The following MLLT1 variants were observed in gnomAD, a reference collection of about 807,000 sequenced individuals.
MLLT1 encodes the protein MLLT1 super elongation complex subunit.
Under a neutral mutation model 55.1 loss-of-function variants are expected in MLLT1, and 11 were observed. The observed-to-expected ratio is 0.20, with a 90% CI of 0.13 to 0.33. The LOEUF is 0.33. Among genes scored for constraint, MLLT1 ranks in the 10% least tolerant of loss-of-function variants. The probability of loss-of-function intolerance (pLI) is 1.00; values close to 1 mark genes in which losing one functional copy is unlikely to be tolerated. For synonymous variants in MLLT1, 323 were observed against 320.1 expected, an observed-to-expected ratio of 1.01 and a Z score of -0.10; for missense variants, 536 against 760.6, an observed-to-expected ratio of 0.70 and a Z score of 3.47.
At chr19:6,216,313 C>T (rs2090842729) in intron 8 of MLLT1, 92 bp downstream of exon 8, 2 of 972,748 alleles carry the variant, frequency 2.1e-6, no homozygotes, top group Admixed American at 4.1e-5. Context: ...CCTCCAGTCC[C>T]AACCCCACCT....
chr19:6,270,995 C>A lies in MLLT1; in HGVS notation c.13-236G>T, dbSNP rs2091391387. The stretch of plus-strand genomic sequence containing the variant: ...TGTCTCCTCTCATCCACCGCCTCAT[C>A]CTCAATTCCACCCGCACAGCCTCCT... On this transcript the variant is annotated intron_variant, in intron 1 of 11. Coordinates refer to ENST00000252674, the MANE Select transcript of MLLT1 (RefSeq NM_005934.4). This position sits in a 1 kb window ranked among gnomAD's most constrained non-coding sequence, Gnocchi z 7.1. Among the ~76,000 whole-genome samples the A allele has an allele frequency of 6.6e-6, 1 of 152,122 alleles. No individual in the cohort carries two copies. Among genetic ancestry groups the A allele is most frequent in the African/African-American group, 2.4e-5 (1 of 41,420 alleles).
chr19:6,222,500 G>A lies in MLLT1; in HGVS notation c.731C>T (p.Ala244Val), dbSNP rs185592757. 2.1e-5 allele frequency: 33 copies of A among 1,597,762 alleles called. No individual in the cohort carries two copies. In the East Asian group the frequency reaches 4.7e-4, roughly 23 times the overall value. ...CTTGAAGGCAGCCTTGGGCGGTGGC[G>A]CCTTCTCCTCCTTGGGCAGCCGGCC... ...GEGRLPKEEKAPPPKAAFKEP... is the reference protein window; with the variant it reads ...GEGRLPKEEKVPPPKAAFKEP... The change falls in exon 6 of 12, where the codon GCG becomes GTG. Residue 244 changes from alanine (A) to valine (V), a missense_variant. By Grantham distance (64) the Ala-to-Val change is moderately conservative. Around this residue, in one of 3 missense-constraint regions of MLLT1, gnomAD observed 449 missense variants for 489.0 expected, o/e 0.92. Transcript: ENST00000252674. The surrounding 1 kb of genome is among the most constrained non-coding windows in gnomAD (Gnocchi z 4.1).
rs1410501302 is a variant in MLLT1 at position 6,240,966 on chromosome 19, C to T, written c.277-10253G>A. Among the ~76,000 whole-genome samples, 1 of 152,174 alleles carries T rather than the reference C, an allele frequency of 6.6e-6. No homozygotes were observed. The highest frequency in any genetic ancestry group is 1.5e-5 in the Non-Finnish European group (1 of 68,042). Reference sequence around the variant, plus strand: ...CTGGAAGCCAAACTTAATGATTTCTCCTCAGTCTGACACCAGAAAAGGCAG... The same window carrying T: ...CTGGAAGCCAAACTTAATGATTTCTTCTCAGTCTGACACCAGAAAAGGCAG... On this transcript the variant is annotated intron_variant, in intron 3 of 11. Coordinates refer to ENST00000252674, the MANE Select transcript of MLLT1 (RefSeq NM_005934.4). The surrounding 1 kb of genome is among the most constrained non-coding windows in gnomAD (Gnocchi z 4.7).
rs376734462 is a variant in MLLT1 at position 6,256,476 on chromosome 19, G to A, written c.276+5752C>T. 1.1e-4 allele frequency among the ~76,000 whole-genome samples: 17 copies of A among 150,906 alleles called. No homozygotes were observed. In the East Asian group the frequency reaches 1.4e-3, roughly 12 times the overall value. ...TCTGACAAAAAAAGAAAAAAAAGGCGGGGCACGGTGGCTCACGCCTGTAAT... is the reference window on the plus strand; with the variant it reads ...TCTGACAAAAAAAGAAAAAAAAGGCAGGGCACGGTGGCTCACGCCTGTAAT... On this transcript the variant is annotated intron_variant, in intron 3 of 11. Coordinates refer to ENST00000252674, the MANE Select transcript of MLLT1 (RefSeq NM_005934.4). This position sits in a 1 kb window ranked among gnomAD's most constrained non-coding sequence, Gnocchi z 4.1.
In MLLT1 at chr19:6,262,313, A is replaced by G. The variant is rs777073335; in HGVS notation, c.194-3T>C. ...TTTGTAGGGGGGCTCCTTGCACACT[A>G]AAAAGAAAAGGAAGAAACACACCCA... On this transcript the variant is annotated splice_region_variant and splice_polypyrimidine_tract_variant and intron_variant, in intron 2 of 11. Transcript: ENST00000252674. The surrounding 1 kb of genome is among the most constrained non-coding windows in gnomAD (Gnocchi z 4.4). 23 of 1,612,796 alleles carry G rather than the reference A, an allele frequency of 1.4e-5. No homozygotes were observed. The African/African-American group carries it at 2.3e-4, about 16-fold the overall frequency.
At position 6,210,910 on chromosome 19, in the gene MLLT1, C is replaced by A. The variant is rs954682890; in HGVS notation, c.*2132G>T. Reference sequence around the variant, plus strand: ...TGGAGGACAACGTGAGGCCTTCCGGCCAGAGGAGGTAACTGAGAACTGGGT... The same window carrying A: ...TGGAGGACAACGTGAGGCCTTCCGGACAGAGGAGGTAACTGAGAACTGGGT... On this transcript the variant is annotated 3_prime_UTR_variant, in exon 12 of 12. Coordinates refer to ENST00000252674, the MANE Select transcript of MLLT1 (RefSeq NM_005934.4). This position sits in a 1 kb window ranked among gnomAD's most constrained non-coding sequence, Gnocchi z 4.6. 5 of 230,696 alleles carry A rather than the reference C, an allele frequency of 2.2e-5. No individual in the cohort carries two copies. The highest frequency in any genetic ancestry group is 4.3e-5 in the Non-Finnish European group (5 of 116,574). The allele number at this position is 230,696 out of a possible 1,614,324, so 14.3% of individuals were successfully genotyped here.
intron 3 of MLLT1, among the ~76,000 whole-genome samples, chr19:6,252,515 T>C (rs557698978): frequency 6.6e-6 from 1 of 152,188 alleles, no homozygotes; most frequent in Non-Finnish European, 1.5e-5. Flanking sequence ...ACTGGGAGAA[T>C]TAGAAGATAC....
chr19:6,230,209 C>T lies in MLLT1; in HGVS notation c.420+361G>A, dbSNP rs140269662. ...CCCGAAGTCAGAGGTGATGGCGATG[C>T]GCACGGCAGGGGCCCTGTGCGGAGG... On this transcript the variant is annotated intron_variant, in intron 4 of 11. Coordinates refer to ENST00000252674, the MANE Select transcript of MLLT1 (RefSeq NM_005934.4). The surrounding 1 kb of genome is among the most constrained non-coding windows in gnomAD (Gnocchi z 9.0). Among the ~76,000 whole-genome samples, 8 of 152,340 alleles carry T rather than the reference C, an allele frequency of 5.3e-5. No individual in the cohort carries two copies. Among genetic ancestry groups the T allele is most frequent in the African/African-American group, 1.4e-4 (6 of 41,574 alleles).
intron 1 of MLLT1, among the ~76,000 whole-genome samples, chr19:6,275,278 C>T (rs2091422367): frequency 6.6e-6 from 1 of 152,196 alleles, no homozygotes; most frequent in Admixed American, 6.5e-5. Flanking sequence ...AGGCAACGAT[C>T]CCCTCCCATC....
intron 1 of MLLT1, among the ~76,000 whole-genome samples, chr19:6,275,177 T>G (rs2091421843): frequency 6.6e-6 from 1 of 152,246 alleles, no homozygotes; most frequent in African/African-American, 2.4e-5. Flanking sequence ...CTGGTGGGAA[T>G]TCTCAATAGA....
At chr19:6,241,859 G>A (rs1182000431) in intron 3 of MLLT1, among the ~76,000 whole-genome samples, 1 of 152,224 alleles carries the variant, frequency 6.6e-6, no homozygotes, top group Non-Finnish European at 1.5e-5. Context: ...CACACAATGT[G>A]GCTTCTGTTC....
chr19:6,278,902 A>T (rs1376280136), intron 1 of MLLT1, among the ~76,000 whole-genome samples: 1 of 152,202 alleles, frequency 6.6e-6, no homozygotes, highest in Non-Finnish European at 1.5e-5. Context: ...GGTCAAAGAA[A>T]GAAGTCTGAA....
intron 3 of MLLT1, among the ~76,000 whole-genome samples, chr19:6,233,524 G>T (rs2091032090): frequency 6.6e-6 from 1 of 152,226 alleles, no homozygotes; most frequent in South Asian, 2.1e-4. Context: ...CATGTGACAG[G>T]CTTGGGTAAG....
In MLLT1 at chr19:6,239,254, C is replaced by T. The variant is rs189959111; in HGVS notation, c.277-8541G>A. ...GGAAGACAGAAATGTGGAAAAAAGA[C>T]GCCCAAGAGGCAAACAACCTCATCC... is the stretch of plus-strand genomic sequence containing the variant. On this transcript the variant is annotated intron_variant, in intron 3 of 11. Coordinates refer to ENST00000252674, the MANE Select transcript of MLLT1 (RefSeq NM_005934.4). Among the ~76,000 whole-genome samples the T allele has an allele frequency of 1.2e-3, 180 of 152,332 alleles. 1 individual carries two copies. Among genetic ancestry groups the T allele is most frequent in the Non-Finnish European group, 1.9e-3 (128 of 68,036 alleles).
At position 6,219,837 on chromosome 19, in the gene MLLT1, C is replaced by T. The variant is rs748512664; in HGVS notation, c.1111-1796G>A. On this transcript the variant is annotated intron_variant, in intron 6 of 11. Coordinates refer to ENST00000252674, the MANE Select transcript of MLLT1 (RefSeq NM_005934.4). The surrounding 1 kb of genome is among the most constrained non-coding windows in gnomAD (Gnocchi z 4.5). ...CGAGAGGCCCCCAAGCCTGTCCTGGCGCCGTGCCAGACAGAGGAAAGCCAG... is the reference window on the plus strand; with the variant it reads ...CGAGAGGCCCCCAAGCCTGTCCTGGTGCCGTGCCAGACAGAGGAAAGCCAG... 2.6e-5 allele frequency among the ~76,000 whole-genome samples: 4 copies of T among 152,230 alleles called. No individual in the cohort carries two copies. Among genetic ancestry groups the T allele is most frequent in the Non-Finnish European group, 4.4e-5 (3 of 68,040 alleles).
chr19:6,245,858 C>T (rs932515468), intron 3 of MLLT1, among the ~76,000 whole-genome samples: 1 of 152,168 alleles, frequency 6.6e-6, no homozygotes, highest in Non-Finnish European at 1.5e-5. Flanking sequence ...GACTGCACCA[C>T]TGCACCCCAT....
intron 3 of MLLT1, among the ~76,000 whole-genome samples, chr19:6,246,078 CAAAAAGAAAAT>C (rs1459191123): frequency 1.4e-5 from 2 of 138,132 alleles, no homozygotes; most frequent in East Asian, 2.1e-4. Flanking sequence ...AACTCCACCT[CAAAAAGAAAAT>C]AAAAAGAAAA....
intron 3 of MLLT1, among the ~76,000 whole-genome samples, chr19:6,249,333 G>T (rs1021528974): frequency 6.6e-6 from 1 of 152,114 alleles, no homozygotes; most frequent in African/African-American, 2.4e-5. Flanking sequence ...ACAGCCCGGG[G>T]TCTGAGATGT....
chr19:6,266,016 C>T (rs954031201), intron 2 of MLLT1, among the ~76,000 whole-genome samples: 1 of 152,122 alleles, frequency 6.6e-6, no homozygotes, highest in Non-Finnish European at 1.5e-5. Flanking sequence ...CATGGTGGCT[C>T]ACGCCGGTAA....
Sources: allele counts gnomAD v4.1 joint callset (sites outside exome capture counted in the v4.1 genomes callset), GRCh38; gene constraint gnomAD v4.1.1; regional missense constraint gnomAD v4.1.1; non-coding constraint Gnocchi (gnomAD v3.1); transcripts MANE v1.5; gene names NCBI Gene and HGNC (gene_info 2026-07-23, HGNC 2026-07-21).